SRRM2: variants seen among roughly 807,000 people sequenced by gnomAD.
SRRM2 encodes the protein serine/arginine repetitive matrix 2.
SRRM2 carries 30 observed loss-of-function variants against 213.8 expected under a neutral mutation model. That is an observed-to-expected ratio of 0.14 (90% confidence interval 0.10 to 0.19). SRRM2 has a LOEUF of 0.19. Among genes scored for constraint, SRRM2 ranks in the 10% least tolerant of loss-of-function variants. The pLI is 1.00. For synonymous variants in SRRM2, 2,025 were observed against 1,377.7 expected (o/e 1.47, Z -10.40); for missense variants, 4,904 against 3,647.0 (o/e 1.34, Z -8.88).
Position 2,765,138 on chromosome 16 carries a change from G to A in SRRM2, c.4610G>A (p.Ser1537Asn), listed in dbSNP as rs1180687531. 6.2e-7 allele frequency: 1 copy of A among 1,614,198 alleles called. No individual in the cohort carries two copies. Among genetic ancestry groups the A allele is most frequent in the South Asian group, 1.1e-5 (1 of 91,084 alleles). ...TVARTPLGQRSRSGSSQELDV... is the reference protein window; with the variant it reads ...TVARTPLGQRNRSGSSQELDV... The stretch of plus-strand genomic sequence containing the variant: ...GCTCGGACTCCCCTGGGGCAGAGAA[G>A]TCGTTCGGGATCCTCTCAAGAACTT... Residue 1537 changes from serine to asparagine, a missense_variant, in exon 11 of 15, where the codon AGT (serine) becomes AAT (asparagine). Coordinates refer to ENST00000301740, the MANE Select transcript of SRRM2 (RefSeq NM_016333.4).
intron 13 of SRRM2, 60 bp downstream of exon 13, chr16:2,770,525 GAAGA>G: frequency 5.8e-6 from 9 of 1,563,002 alleles, no homozygotes; most frequent in East Asian, 2.4e-5. Flanking sequence ...TTTCTACAAA[GAAGA>G]AAGCTTTGCG....
At chr16:2,753,606 C>T (rs2068025180) in intron 1 of SRRM2, 1 of 152,156 alleles carries the variant, frequency 6.6e-6, no homozygotes, top group Middle Eastern at 3.2e-3. Context: ...TGGAGACCTT[C>T]GTTGGGAAGA....
chr16:2,771,202 G>C lies in SRRM2; in HGVS notation c.*335G>C. On this transcript the variant is annotated 3_prime_UTR_variant, in exon 15 of 15. Coordinates refer to ENST00000301740, the MANE Select transcript of SRRM2 (RefSeq NM_016333.4). Reference sequence around the variant, plus strand: ...CCACTTGTATCCAGAAGTTCCCAGGGGTGATTGTGATGGTGGTTGGGACTG... The same window carrying C: ...CCACTTGTATCCAGAAGTTCCCAGGCGTGATTGTGATGGTGGTTGGGACTG... The C allele has an allele frequency of 1.5e-6, 1 of 649,798 alleles. No individual in the cohort carries two copies. Among genetic ancestry groups the C allele is most frequent in the Non-Finnish European group, 2.7e-6 (1 of 370,722 alleles). The allele number at this position is 649,798 out of a possible 1,614,324, so 40.3% of individuals were successfully genotyped here.
chr16:2,769,583 G>T (rs1428415053), intron 12 of SRRM2: 2 of 637,846 alleles, frequency 3.1e-6, no homozygotes, highest in Non-Finnish European at 5.8e-6. Flanking sequence ...CTACTGCCAG[G>T]GCTCTGGTCT....
rs2068500950 is a variant in SRRM2 at position 2,765,314 on chromosome 16, A to G, written c.4786A>G (p.Ser1596Gly). ...DSKSRLSPRR[S>G]RSGSSPEVKD... is the part of the protein sequence containing the mutation. Reference sequence around the variant, plus strand: ...CAAATCTCGACTATCCCCTCGGCGCAGTAGGTCTGGTTCCTCCCCTGAAGT... The same window carrying G: ...CAAATCTCGACTATCCCCTCGGCGCGGTAGGTCTGGTTCCTCCCCTGAAGT... The change falls in exon 11 of 15, where the codon AGT becomes GGT. Residue 1596 changes from serine (S) to glycine (G), a missense_variant. By Grantham distance (56) the Ser-to-Gly change is moderately conservative. Transcript: ENST00000301740. The G allele has an allele frequency of 2.5e-6, 4 of 1,614,134 alleles. No individual in the cohort carries two copies. Among genetic ancestry groups the G allele is most frequent in the East Asian group, 4.5e-5 (2 of 44,874 alleles).
chr16:2,758,600 A>G, intron 5 of SRRM2, 53 bp downstream of exon 5: 1 of 1,537,446 alleles, frequency 6.5e-7, no homozygotes, highest in Non-Finnish European at 9.0e-7. Flanking sequence ...CCTGTGGTGT[A>G]CCTTTCTCTC....
intron 12 of SRRM2, chr16:2,770,030 C>T: frequency 1.3e-6 from 1 of 785,932 alleles, no homozygotes; most frequent in South Asian, 1.8e-5. Flanking sequence ...GCCCCATGTC[C>T]CCCTCCCTTG....
intron 7 of SRRM2, 63 bp from the exon 8 acceptor site, chr16:2,759,289 C>A: frequency 6.2e-7 from 1 of 1,607,574 alleles, no homozygotes; most frequent in Non-Finnish European, 8.5e-7. Flanking sequence ...CTTTCCATTT[C>A]ACTTTTGGTT....
chr16:2,768,724 C>A, intron 11 of SRRM2: 1 of 716,330 alleles, frequency 1.4e-6, no homozygotes, highest in Non-Finnish European at 2.5e-6. Flanking sequence ...AGCTTCCACA[C>A]CTGAGCCCAG....
At position 2,770,996 on chromosome 16, in the gene SRRM2, G is replaced by GAAAGGGAGCC; in HGVS notation, c.*129_*130insAAAGGGAGCC. ...AACCTTGGCAGCCCTTGGATGGAGG[G>GAAAGGGAGCC]CTCCCTTTCCCTCCCCTTTTTTTTT... On this transcript the variant is annotated 3_prime_UTR_variant, in exon 15 of 15. Transcript: ENST00000301740. 3.5e-6 allele frequency: 4 copies of GAAAGGGAGCC among 1,138,680 alleles called. No homozygotes were observed. The highest frequency in any genetic ancestry group is 1.6e-5 in the African/African-American group (1 of 63,240). The allele number at this position is 1,138,680 out of a possible 1,614,324, so 70.5% of individuals were successfully genotyped here.
chr16:2,759,367 G>A lies in SRRM2; in HGVS notation c.705G>A (p.Lys235=), dbSNP rs1009264179. ...TATTTCCCAGGTCTCCCACTCCAAA[G>A]AGCAAACGTAAATCTAAGGACAAAA... The part of the protein sequence containing the change: ...KKRKHRSPTP[K]SKRKSKDKKR... Residue 235 remains lysine (K), a synonymous_variant, in exon 8 of 15, where the codon AAG becomes AAA. Coordinates refer to ENST00000301740, the MANE Select transcript of SRRM2 (RefSeq NM_016333.4). The A allele has an allele frequency of 1.3e-6, 2 of 1,598,628 alleles. No individual in the cohort carries two copies. The highest frequency in any genetic ancestry group is 1.4e-5 in the African/African-American group (1 of 73,846).
At chr16:2,757,996 C>G in intron 4 of SRRM2, 51 bp downstream of exon 4, 1 of 1,563,252 alleles carries the variant, frequency 6.4e-7, no homozygotes, top group Non-Finnish European at 8.7e-7. Context: ...ATTGTAAGCT[C>G]CATGCTCTAT....
rs149288106 is a variant in SRRM2 at position 2,765,556 on chromosome 16, A to G, written c.5028A>G (p.Pro1676=). 7.9e-4 allele frequency: 1,273 copies of G among 1,614,232 alleles called. 4 individuals carry two copies. The African/African-American group carries it at 0.014, about 17-fold the overall frequency. ...RTARRGSRSS[P]EPKTKSRTPP... is the part of the protein sequence containing the mutation. ...CTCGCAGAGGTTCCAGGTCATCACC[A>G]GAGCCCAAGACCAAGTCTCGTACAC... The change falls in exon 11 of 15, where the codon CCA becomes CCG. Residue 1676 remains proline, a synonymous_variant. Transcript: ENST00000301740.
chr16:2,765,640 C>T lies in SRRM2; in HGVS notation c.5112C>T (p.Ser1704=). 6.2e-7 allele frequency: 1 copy of T among 1,614,162 alleles called. No individual in the cohort carries two copies. The highest frequency in any genetic ancestry group is 8.5e-7 in the Non-Finnish European group (1 of 1,180,012). The change falls in exon 11 of 15, where the codon TCC becomes TCT. Residue 1704 remains serine (S), a synonymous_variant. Transcript: ENST00000301740. The part of the protein sequence containing the change: ...SPELTRKARL[S]RRSRSASSSP... The stretch of plus-strand genomic sequence containing the variant: ...AGCTAACAAGGAAGGCCAGACTGTC[C>T]CGTAGAAGCCGCTCTGCCTCATCCT...
Position 2,759,343 on chromosome 16 carries a change from AT to A in SRRM2, c.690-6del. 6.2e-7 allele frequency: 1 copy of A among 1,605,712 alleles called. No homozygotes were observed. Among genetic ancestry groups the A allele is most frequent in the Non-Finnish European group, 8.5e-7 (1 of 1,177,858 alleles). ...AAGTTACTTTTAACAACCTTTCCTTATTTCCCAGGTCTCCCACTCCAAAGAG... is the reference window on the plus strand; with the variant it reads ...AAGTTACTTTTAACAACCTTTCCTTATTCCCAGGTCTCCCACTCCAAAGAG... On this transcript the variant is annotated splice_region_variant and splice_polypyrimidine_tract_variant and intron_variant, in intron 7 of 14. Coordinates refer to ENST00000301740, the MANE Select transcript of SRRM2 (RefSeq NM_016333.4).
Position 2,771,060 on chromosome 16 carries a change from C to A in SRRM2, c.*193C>A. 1 of 521,296 alleles carries A rather than the reference C, an allele frequency of 1.9e-6. No individual in the cohort carries two copies. The highest frequency in any genetic ancestry group is 2.1e-5 in the South Asian group (1 of 48,216). 32.3% of individuals were successfully genotyped at this position (521,296 alleles called of 1,614,324 possible). ...GAAATGTTAATCTCCGTGAGTTCTT[C>A]CTGGTTCATGTGTTCTGGGGGGTTT... On this transcript the variant is annotated 3_prime_UTR_variant, in exon 15 of 15. Transcript: ENST00000301740.
chr16:2,753,628 T>TCATACC (rs1176640866), intron 1 of SRRM2: 2 of 152,172 alleles, frequency 1.3e-5, no homozygotes, highest in East Asian at 3.8e-4. Flanking sequence ...AACGCCAGAC[T>TCATACC]CATATATAAG....
At position 2,762,212 on chromosome 16, in the gene SRRM2, T is replaced by A. The variant is rs1330320198; in HGVS notation, c.1684T>A (p.Ser562Thr). ...GTCTAGGTCAGCAAGGCGAGGGAGG[T>A]CCCACTCTAGATCCCCAGCCACTAG... Reference protein sequence around the residue: ...GRSRSARRGRSHSRSPATRGR... With the variant: ...GRSRSARRGRTHSRSPATRGR... Residue 562 changes from serine to threonine, a missense_variant, in exon 11 of 15, where the codon TCC becomes ACC. By Grantham distance (58) the Ser-to-Thr change is moderately conservative. Coordinates refer to ENST00000301740, the MANE Select transcript of SRRM2 (RefSeq NM_016333.4). The A allele has an allele frequency of 6.2e-7, 1 of 1,612,982 alleles. No individual in the cohort carries two copies. The highest frequency in any genetic ancestry group is 2.2e-5 in the East Asian group (1 of 44,798).
rs1393449448 is a variant in SRRM2 at position 2,764,695 on chromosome 16, TGCA to T, written c.4169_4171del (p.Ala1390del). On this transcript the variant is annotated inframe_deletion, in exon 11 of 15. Transcript: ENST00000301740. ...ACAGCAGTTCTGAGTTATCCCCAGA[TGCA>T]GTGGAAAAGGCAGGGATGTCTTCAA... 2 of 1,614,138 alleles carry T rather than the reference TGCA, an allele frequency of 1.2e-6. No individual in the cohort carries two copies. Among genetic ancestry groups the T allele is most frequent in the Admixed American group, 3.3e-5 (2 of 60,030 alleles).
Sources: allele counts gnomAD v4.1 joint callset, GRCh38; gene constraint gnomAD v4.1.1; transcripts MANE v1.5; gene names NCBI Gene and HGNC (gene_info 2026-07-23, HGNC 2026-07-21).